CUX1: variants seen among roughly 807,000 people sequenced by gnomAD.
The protein encoded by CUX1 is protein CASP.
CUX1 carries 31 observed loss-of-function variants against 158.8 expected under a neutral mutation model. The ratio of observed to expected loss-of-function variants is 0.20; its 90% CI spans 0.15 to 0.26. The LOEUF (loss-of-function observed/expected upper bound fraction) is 0.26, where lower values mean the gene tolerates loss of function less well. Ranked by LOEUF, CUX1 falls within the 10% of genes least tolerant of loss-of-function variation. The pLI, the probability that CUX1 is intolerant of heterozygous loss-of-function variation, is 1.00. For missense variants in CUX1, 1,589 were observed against 2,014.6 expected (o/e 0.79, Z 4.04); for synonymous variants, 879 against 862.1 (o/e 1.02, Z -0.34).
At chr7:101,870,144 G>GTTTTTTTTT (rs112866816) in intron 1 of CUX1, among the ~76,000 whole-genome samples, 1 of 111,204 alleles carries the variant, frequency 9.0e-6, no homozygotes, top group African/African-American at 3.7e-5. Context: ...GATGTTTAGT[G>GTTTTTTTTT]TTTTTTTTGT....
chr7:101,924,289 A>C (rs959087044), intron 2 of CUX1, among the ~76,000 whole-genome samples: 1 of 152,088 alleles, frequency 6.6e-6, no homozygotes, highest in African/African-American at 2.4e-5. Context: ...CCTGGGCCCA[A>C]ACGCATTTAG....
At chr7:102,049,290 G>A (rs755614662) in intron 3 of CUX1, among the ~76,000 whole-genome samples, 3 of 152,228 alleles carry the variant, frequency 2.0e-5, no homozygotes, top group Non-Finnish European at 4.4e-5. Flanking sequence ...CAACAGCTGC[G>A]TGCCAGAAGC....
At chr7:101,978,711 C>T (rs1813031321) in intron 2 of CUX1, among the ~76,000 whole-genome samples, 2 of 152,242 alleles carry the variant, frequency 1.3e-5, no homozygotes, top group South Asian at 4.1e-4. Context: ...CACCCTTGAA[C>T]CTGCCTAGCC....
chr7:102,232,854 T>C (rs1379145312), intron 21 of CUX1, among the ~76,000 whole-genome samples: 3 of 152,210 alleles, frequency 2.0e-5, no homozygotes, highest in Non-Finnish European at 4.4e-5. Flanking sequence ...TTCCAGTTAC[T>C]TTATTTAGCA....
chr7:102,187,778 G>T (rs1020167000), intron 11 of CUX1, among the ~76,000 whole-genome samples: 2 of 151,766 alleles, frequency 1.3e-5, no homozygotes, highest in African/African-American at 4.8e-5. Flanking sequence ...CAAAGTGCTG[G>T]GATTACAGGC....
chr7:102,249,017 A>G lies in CUX1; in HGVS notation c.4493A>G (p.Glu1498Gly). Reference sequence around the variant, plus strand: ...CGCCTGGAGAAGGCCGCCAGCCGGGAGGAACCTATCGAATGGGAGTTCTGA... The same window carrying G: ...CGCCTGGAGAAGGCCGCCAGCCGGGGGGAACCTATCGAATGGGAGTTCTGA... ...IHRLEKAASR[E>G]EPIEWEF The change falls in exon 24 of 24, where the codon GAG becomes GGG. Residue 1498 changes from glutamate to glycine, a missense_variant. This residue lies in a region of CUX1 where 344 missense variants were observed against 323.7 expected (regional missense o/e 1.06). Transcript: ENST00000292535. The G allele has an allele frequency of 7.2e-7, 1 of 1,387,546 alleles. No homozygotes were observed. 86.0% of individuals were successfully genotyped at this position (1,387,546 alleles called of 1,614,324 possible). A position where few individuals can be genotyped will look rare whatever the true frequency, so the allele number is the denominator to read the frequency against.
intron 2 of CUX1, among the ~76,000 whole-genome samples, chr7:101,935,515 G>A (rs961283939): frequency 6.6e-6 from 1 of 152,236 alleles, no homozygotes; most frequent in African/African-American, 2.4e-5. Flanking sequence ...CGGACATGCT[G>A]GCACATCTGC....
At chr7:102,220,297 G>T (rs772036867) in intron 20 of CUX1, among the ~76,000 whole-genome samples, 119 of 152,300 alleles carry the variant, frequency 7.8e-4, no homozygotes, top group Non-Finnish European at 1.4e-3. Context: ...GGAGGCGGAG[G>T]TTGCAGTTAG....
intron 17 of CUX1, among the ~76,000 whole-genome samples, chr7:102,275,907 G>C (rs2132817968): frequency 6.6e-6 from 1 of 152,084 alleles, no homozygotes; most frequent in Middle Eastern, 3.4e-3. Flanking sequence ...TACTTGGGAG[G>C]CTGAGGCAGG....
At chr7:101,972,980 C>G (rs534128435) in intron 2 of CUX1, among the ~76,000 whole-genome samples, 82 of 152,324 alleles carry the variant, frequency 5.4e-4, no homozygotes, top group African/African-American at 1.9e-3. Context: ...ACCAGTGCAG[C>G]CAGCCACTGC....
rs1329177610 is a variant in CUX1, at chr7:102,043,707, C to CT, written c.189+15564dup. On this transcript the variant is annotated intron_variant, in intron 3 of 23. Coordinates refer to ENST00000292535, the MANE Select transcript of CUX1 (RefSeq NM_181552.4). The stretch of plus-strand genomic sequence containing the variant: ...AGTATACATGAGTGTGCAGATAACT[C>CT]TTAACAATACTGATTTCAATCCCTT... 3.9e-5 allele frequency among the ~76,000 whole-genome samples: 6 copies of CT among 152,116 alleles called. No individual in the cohort carries two copies. In the East Asian group the frequency reaches 9.6e-4, roughly 24 times the overall value.
At chr7:101,987,944 G>C (rs1814545846) in intron 2 of CUX1, among the ~76,000 whole-genome samples, 1 of 152,232 alleles carries the variant, frequency 6.6e-6, no homozygotes, top group Non-Finnish European at 1.5e-5. Context: ...TGGGCTGCTG[G>C]CTCATGCCTG....
intron 21 of CUX1, among the ~76,000 whole-genome samples, chr7:102,230,663 T>C (rs1798864588): frequency 6.6e-6 from 1 of 152,082 alleles, no homozygotes; most frequent in African/African-American, 2.4e-5. Context: ...TGAGACCTTA[T>C]ATAATTAAGT....
intron 20 of CUX1, among the ~76,000 whole-genome samples, chr7:102,225,807 A>T (rs545938086): frequency 1.1e-4 from 16 of 152,374 alleles, no homozygotes; most frequent in African/African-American, 3.8e-4. Flanking sequence ...AGGGCAACCT[A>T]GCAAGACCCC....
intron 2 of CUX1, among the ~76,000 whole-genome samples, chr7:102,013,288 T>C (rs1231808950): frequency 6.6e-6 from 1 of 152,202 alleles, no homozygotes; most frequent in African/African-American, 2.4e-5. Context: ...AATAGATCTA[T>C]ATTTGCCATA....
chr7:101,960,982 G>C (rs1007779041), intron 2 of CUX1: 2 of 152,394 alleles, frequency 1.3e-5, no homozygotes, highest in Non-Finnish European at 2.9e-5. Flanking sequence ...TGAAGGTTGA[G>C]ATGCAGGAGA....
rs1274786357 is a variant in CUX1, at chr7:102,255,894, A to G, written c.*6852A>G. On this transcript the variant is annotated 3_prime_UTR_variant, in exon 24 of 24. Transcript: ENST00000292535. ...AGCACTTAAATAGATGACTATGTGTAAAAGCTCTGTGCAATTGAAATCATT... is the reference window on the plus strand; with the variant it reads ...AGCACTTAAATAGATGACTATGTGTGAAAGCTCTGTGCAATTGAAATCATT... The G allele has an allele frequency of 1.4e-5, 14 of 985,148 alleles. No homozygotes were observed. The highest frequency in any genetic ancestry group is 1.3e-5 in the Non-Finnish European group (11 of 829,860). 61.0% of individuals were successfully genotyped at this position (985,148 alleles called of 1,614,324 possible).
chr7:101,895,003 C>T (rs968797775), intron 1 of CUX1, among the ~76,000 whole-genome samples: 4 of 151,886 alleles, frequency 2.6e-5, no homozygotes, highest in African/African-American at 7.3e-5. Flanking sequence ...CTCCTTAAAA[C>T]GCTGGGTATT....
chr7:102,192,847 T>C (rs550526735), intron 12 of CUX1, among the ~76,000 whole-genome samples: 2 of 152,206 alleles, frequency 1.3e-5, no homozygotes, highest in African/African-American at 2.4e-5. Context: ...ATAGCCTCAC[T>C]TCCCCTCTTC....
Sources: gnomAD v4.1 joint callset for allele counts (sites outside exome capture counted in the v4.1 genomes callset) on GRCh38, gnomAD v4.1.1 for gene constraint, gnomAD v4.1.1 regional missense constraint, MANE v1.5 for transcripts, NCBI Gene and HGNC (gene_info 2026-07-23, HGNC 2026-07-21) for gene names.